Variants in SI observed in about 807,000 individuals in gnomAD.
The protein encoded by SI is sucrase-isomaltase, intestinal.
A neutral mutation model predicts 253.3 loss-of-function variants in SI; 235 were observed. That is an observed-to-expected ratio of 0.93 (90% CI 0.83 to 1.03). SI has a LOEUF of 1.03. Ranked by LOEUF, SI falls within the 50% of genes least tolerant of loss-of-function variation. The pLI is 0.00. For missense variants in SI, 2,442 were observed against 2,211.1 expected (o/e 1.10, Z -2.09); for synonymous variants, 819 against 712.0 (o/e 1.15, Z -2.39).
intron 29 of SI, 31 bp downstream of exon 29, chr3:165,017,939 A>G: frequency 6.3e-7 from 1 of 1,582,598 alleles, no homozygotes; most frequent in African/African-American, 1.3e-5. Flanking sequence ...GTCACATAAA[A>G]TAAGAGACAT....
rs1718530821 is a variant in SI, at chr3:165,006,807, A to G, written c.4406+9T>C. The G allele has an allele frequency of 1.9e-6, 3 of 1,610,296 alleles. No homozygotes were observed. The highest frequency in any genetic ancestry group is 1.3e-5 in the African/African-American group (1 of 74,812). On this transcript the variant is annotated intron_variant, in intron 37 of 47. Transcript: ENST00000264382. ...AGAGTCAGAGAGGATAATTCAGAAC[A>G]TTGCTTACTCATGAGTAGGTTTCAT... is the stretch of plus-strand genomic sequence containing the variant.
At position 165,040,990 on chromosome 3, in the gene SI, A is replaced by C. The variant is rs1341192568; in HGVS notation, c.2109T>G (p.Phe703Leu). The change falls in exon 18 of 48, where the codon TTT becomes TTG. Residue 703 changes from phenylalanine (F) to leucine (L), a missense_variant. Physicochemically the swap from Phe to Leu is conservative, Grantham distance 22. Transcript: ENST00000264382. ...TTTCTCCAAACACATGGGCTTTATA[A>C]AACAGAGTGTAGAGGAAGGGTAATA... ...YTLLPFLYTL[F>L]YKAHVFGETV... 11 of 1,612,646 alleles carry C rather than the reference A, an allele frequency of 6.8e-6. No individual in the cohort carries two copies. Among genetic ancestry groups the C allele is most frequent in the Non-Finnish European group, 9.3e-6 (11 of 1,179,086 alleles).
Position 165,065,432 on chromosome 3 carries a change from C to A in SI, c.636G>T (p.Leu212Phe), listed in dbSNP as rs145891116. 6 of 1,363,342 alleles carry A rather than the reference C, an allele frequency of 4.4e-6. No individual in the cohort carries two copies. In the African/African-American group the frequency reaches 4.9e-5, roughly 11 times the overall value. 84.5% of individuals were successfully genotyped at this position (1,363,342 alleles called of 1,614,324 possible). Residue 212 changes from leucine (L) to phenylalanine (F), a missense_variant and splice_region_variant, in exon 7 of 48, where the codon TTG becomes TTT. By Grantham distance (22) the Leu-to-Phe change is conservative. Transcript: ENST00000264382. The stretch of plus-strand genomic sequence containing the variant: ...CTAAGGGACCAATGCTGGTGTCAAA[C>A]CTGCACCATAAAAGAAATAAAGAAA... ...QVIRKSNGKT[L>F]FDTSIGPLVY...
At chr3:165,004,467 A>T (rs2108150341) in intron 37 of SI, among the ~76,000 whole-genome samples, 1 of 152,250 alleles carries the variant, frequency 6.6e-6, no homozygotes, top group East Asian at 1.9e-4. Context: ...CAAAAGAAAG[A>T]TATATCAAAA....
Position 165,059,902 on chromosome 3 carries a change from A to G in SI, c.1146T>C (p.Phe382=). 3 of 1,611,226 alleles carry G rather than the reference A, an allele frequency of 1.9e-6. No individual in the cohort carries two copies. The highest frequency in any genetic ancestry group is 2.5e-6 in the Non-Finnish European group (3 of 1,177,870). ...CCCACGGACCCTTTATTCTACTTAC[A>G]AATGGTATGCCAGCTTCCCGGTTTC... ...VRRNREAGIP[F]DTQVTDIDYM... The change falls in exon 10 of 48, where the codon TTT becomes TTC. Residue 382 remains phenylalanine, a splice_region_variant and synonymous_variant. Transcript: ENST00000264382.
chr3:164,984,609 A>G (rs1242661437), intron 45 of SI, among the ~76,000 whole-genome samples: 1 of 152,154 alleles, frequency 6.6e-6, no homozygotes, highest in African/African-American at 2.4e-5. Context: ...CAAGGACACA[A>G]ATATAACTAT....
chr3:164,994,328 C>A lies in SI; in HGVS notation c.4770G>T (p.Leu1590Phe). Residue 1590 changes from leucine (L) to phenylalanine (F), a missense_variant, in exon 41 of 48, where the codon TTG (leucine) becomes TTT (phenylalanine). Transcript: ENST00000264382. ...CATGCATTTGTGTGTAAAAATAGGG[C>A]AATAAGGTGTATCTAATATTTAGAA... is the stretch of plus-strand genomic sequence containing the variant. ...RNILNIRYTLLPYFYTQMHEI... is the reference protein window; with the variant it reads ...RNILNIRYTLFPYFYTQMHEI... 4 of 1,610,880 alleles carry A rather than the reference C, an allele frequency of 2.5e-6. No homozygotes were observed. The highest frequency in any genetic ancestry group is 3.4e-6 in the Non-Finnish European group (4 of 1,177,796).
chr3:165,052,560 G>T (rs1301406880), intron 13 of SI, among the ~76,000 whole-genome samples: 2 of 152,068 alleles, frequency 1.3e-5, no homozygotes, highest in African/African-American at 4.8e-5. Context: ...GGAGGCTGAG[G>T]CAGGGAGAAT....
At chr3:165,042,683 GTATAT>G (rs1712901490) in intron 17 of SI, among the ~76,000 whole-genome samples, 1 of 152,044 alleles carries the variant, frequency 6.6e-6, no homozygotes, top group Non-Finnish European at 1.5e-5. Flanking sequence ...ATCCATGACA[GTATAT>G]TATAACTTTT....
At chr3:165,081,255 AGTT>A (rs1021359312), upstream of SI, among the ~76,000 whole-genome samples, 1 of 151,954 alleles carries the variant, frequency 6.6e-6, no homozygotes, top group African/African-American at 2.4e-5. Context: ...ATTAATATAA[AGTT>A]GTCCAAAAAC....
upstream of SI, among the ~76,000 whole-genome samples, chr3:165,081,221 A>G (rs1715310755): frequency 6.6e-6 from 1 of 151,956 alleles, no homozygotes; most frequent in Non-Finnish European, 1.5e-5. Context: ...TTAAAAACAA[A>G]TATAAATTCT....
intron 34 of SI, among the ~76,000 whole-genome samples, chr3:165,011,474 G>T (rs562549140): frequency 6.6e-6 from 1 of 151,922 alleles, no homozygotes; most frequent in Admixed American, 6.6e-5. Context: ...AAGATAAATG[G>T]TATGTTTTCT....
chr3:165,036,560 T>C, intron 21 of SI, 83 bp from the exon 22 acceptor site: 1 of 919,266 alleles, frequency 1.1e-6, no homozygotes, highest in Non-Finnish European at 1.8e-6. Context: ...CACTTCAACC[T>C]GTCTGTTTTA....
chr3:165,015,352 A>T, intron 32 of SI, 119 bp from the exon 33 acceptor site: 1 of 723,702 alleles, frequency 1.4e-6, no homozygotes, highest in Non-Finnish European at 2.5e-6. Flanking sequence ...TCTCACATTA[A>T]ATGACAAATG....
rs758675228 is a variant in SI at position 164,979,329 on chromosome 3, T to C, written c.*33A>G. On this transcript the variant is annotated 3_prime_UTR_variant, in exon 48 of 48. Coordinates refer to ENST00000264382, the MANE Select transcript of SI (RefSeq NM_001041.4). ...CTGTGAAACTTAAATCCTGGTGTTT[T>C]TTCCCATTGACAACTAAAATTGATG... The C allele has an allele frequency of 7.6e-7, 1 of 1,307,430 alleles. No individual in the cohort carries two copies. The allele number at this position is 1,307,430 out of a possible 1,614,324, so 81.0% of individuals were successfully genotyped here.
At chr3:165,082,097 C>T (rs1413222055), upstream of SI, among the ~76,000 whole-genome samples, 1 of 151,734 alleles carries the variant, frequency 6.6e-6, no homozygotes, top group African/African-American at 2.4e-5. Flanking sequence ...AGCTTCATAC[C>T]CAAATTTCCA....
intron 44 of SI, among the ~76,000 whole-genome samples, chr3:164,990,239 C>A (rs1440285447): frequency 6.6e-6 from 1 of 151,972 alleles, no homozygotes; most frequent in Non-Finnish European, 1.5e-5. Flanking sequence ...AAAAATAAGT[C>A]TTTGAAAAAC....
upstream of SI, among the ~76,000 whole-genome samples, chr3:165,081,661 G>T (rs1025212664): frequency 7.2e-5 from 11 of 151,928 alleles, no homozygotes; most frequent in Admixed American, 6.6e-4. Flanking sequence ...AAAATGTTCT[G>T]CTTCTTTTAG....
intron 21 of SI, 84 bp downstream of exon 21, chr3:165,037,816 T>C (rs1170267414): frequency 5.0e-6 from 5 of 990,310 alleles, no homozygotes; most frequent in Non-Finnish European, 7.8e-6. Flanking sequence ...AGAAACTAAA[T>C]ATTATCTCTA....
Sources: allele counts gnomAD v4.1 joint callset (sites outside exome capture counted in the v4.1 genomes callset), GRCh38; gene constraint gnomAD v4.1.1; transcripts MANE v1.5; gene names NCBI Gene and HGNC (gene_info 2026-07-23, HGNC 2026-07-21).